The following KLHL29 variants were observed in gnomAD, a reference collection of about 807,000 sequenced individuals.
KLHL29 encodes kelch like family member 29, also known as kelch-like protein 29.
KLHL29 carries 21 observed loss-of-function variants against 80.4 expected under a neutral mutation model. The observed-to-expected ratio is 0.26, with a 90% CI of 0.19 to 0.38. The LOEUF (loss-of-function observed/expected upper bound fraction) is 0.38, where lower values mean the gene tolerates loss of function less well. Ranked by LOEUF, KLHL29 falls within the 10% of genes least tolerant of loss-of-function variation. KLHL29 has a pLI of 1.00. For synonymous variants in KLHL29, 511 were observed against 526.8 expected (o/e 0.97, Z 0.41); for missense variants, 867 against 1,223.9 (o/e 0.71, Z 4.35).
chr2:23,546,887 G>A (rs1666992528), intron 2 of KLHL29, among the ~76,000 whole-genome samples: 1 of 152,174 alleles, frequency 6.6e-6, no homozygotes, highest in Non-Finnish European at 1.5e-5. Flanking sequence ...GTGGCAGTAG[G>A]ACCAGAGTTG....
intron 3 of KLHL29, among the ~76,000 whole-genome samples, chr2:23,571,417 T>C (rs928019986): frequency 6.6e-6 from 1 of 152,196 alleles, no homozygotes; most frequent in Non-Finnish European, 1.5e-5. Flanking sequence ...TCCTTCTCCC[T>C]TCCCAGCAGA....
At chr2:23,586,143 T>A (rs1429460753) in intron 3 of KLHL29, among the ~76,000 whole-genome samples, 1 of 151,918 alleles carries the variant, frequency 6.6e-6, no homozygotes. Flanking sequence ...TTAAATGGAG[T>A]GTGACCTCAG....
intron 2 of KLHL29, among the ~76,000 whole-genome samples, chr2:23,496,896 A>G (rs909044885): frequency 6.6e-6 from 1 of 152,208 alleles, no homozygotes; most frequent in African/African-American, 2.4e-5. Flanking sequence ...GGCATATGGG[A>G]CATTTGCCCT....
At chr2:23,509,524 G>T (rs554127102) in intron 2 of KLHL29, among the ~76,000 whole-genome samples, 1 of 152,016 alleles carries the variant, frequency 6.6e-6, no homozygotes, top group Non-Finnish European at 1.5e-5. Flanking sequence ...AGTCAATAAG[G>T]GGGAGAAGAA....
chr2:23,527,772 C>T (rs186786293), intron 2 of KLHL29, among the ~76,000 whole-genome samples: 4 of 152,346 alleles, frequency 2.6e-5, no homozygotes, highest in South Asian at 2.1e-4. Context: ...CACCCCAAGC[C>T]TCCATAGGAG....
intron 2 of KLHL29, among the ~76,000 whole-genome samples, chr2:23,520,992 A>ACCCCC (rs33915683): frequency 1.7e-3 from 154 of 91,200 alleles, no homozygotes; most frequent in African/African-American, 4.7e-3. Context: ...TACAAAGACC[A>ACCCCC]CCCCCCCCCC....
chr2:23,488,570 A>G (rs1307047322), intron 2 of KLHL29, among the ~76,000 whole-genome samples: 1 of 152,238 alleles, frequency 6.6e-6, no homozygotes, highest in African/African-American at 2.4e-5. Context: ...CGAGCCAGAG[A>G]AAAGCAGAAA....
chr2:23,634,123 C>T (rs1035153861), intron 3 of KLHL29, among the ~76,000 whole-genome samples: 3 of 152,124 alleles, frequency 2.0e-5, no homozygotes, highest in Admixed American at 2.0e-4. Context: ...AGCACAGATG[C>T]CTGGTACACG....
Position 23,639,249 on chromosome 2 carries a change from C to T in KLHL29, c.396C>T (p.Pro132=). Residue 132 remains proline, a synonymous_variant, in exon 4 of 14, where the codon CCC becomes CCT. Coordinates refer to ENST00000486442, the MANE Select transcript of KLHL29 (RefSeq NM_052920.2). ...CACCCTGGGACACTGATGAGCCACCCTCCAAACAGATGAGAGAGAGTGACA... is the reference window on the plus strand; with the variant it reads ...CACCCTGGGACACTGATGAGCCACCTTCCAAACAGATGAGAGAGAGTGACA... ...QSTPWDTDEP[P]SKQMRESDNP... 1 of 1,548,704 alleles carries T rather than the reference C, an allele frequency of 6.5e-7. No homozygotes were observed.
intron 5 of KLHL29, among the ~76,000 whole-genome samples, chr2:23,673,739 G>C (rs201260506): frequency 6.7e-6 from 1 of 148,174 alleles, no homozygotes; most frequent in African/African-American, 2.5e-5. Flanking sequence ...ACATACACAG[G>C]GGTGCATGCA....
At chr2:23,461,683 C>A (rs1273809895) in intron 1 of KLHL29, among the ~76,000 whole-genome samples, 1 of 151,474 alleles carries the variant, frequency 6.6e-6, no homozygotes, top group Non-Finnish European at 1.5e-5. Context: ...TCAGCTACTT[C>A]ACCCCACTAT....
chr2:23,596,492 A>G lies in KLHL29; in HGVS notation c.285+34011A>G, dbSNP rs929991804. ...GTCACTAGGAGGCTCGCTGTGATTT[A>G]TCAGGGGCCATGCCACACTGTCCTT... On this transcript the variant is annotated intron_variant, in intron 3 of 13. Coordinates refer to ENST00000486442, the MANE Select transcript of KLHL29 (RefSeq NM_052920.2). The surrounding 1 kb of genome is among the most constrained non-coding windows in gnomAD (Gnocchi z 4.4). 6.6e-6 allele frequency among the ~76,000 whole-genome samples: 1 copy of G among 152,174 alleles called. No homozygotes were observed. The highest frequency in any genetic ancestry group is 2.4e-5 in the African/African-American group (1 of 41,442).
chr2:23,526,291 G>T (rs879881322), intron 2 of KLHL29, among the ~76,000 whole-genome samples: 1 of 152,118 alleles, frequency 6.6e-6, no homozygotes, highest in Non-Finnish European at 1.5e-5. Flanking sequence ...CGTCACAGGG[G>T]AGGGGAAACC....
chr2:23,451,027 G>A (rs1663864019), intron 1 of KLHL29, among the ~76,000 whole-genome samples: 1 of 152,096 alleles, frequency 6.6e-6, no homozygotes, highest in Non-Finnish European at 1.5e-5. Flanking sequence ...GGATATCAAT[G>A]GAATTATACA....
intron 3 of KLHL29, among the ~76,000 whole-genome samples, chr2:23,590,966 A>G (rs62125441): frequency 0.017 from 2,525 of 152,310 alleles, 32 homozygotes; most frequent in Non-Finnish European, 0.024. Flanking sequence ...GTGAAAGCCG[A>G]TGACAAAATA....
chr2:23,644,411 A>G (rs2149160017), intron 5 of KLHL29: 1 of 152,352 alleles, frequency 6.6e-6, no homozygotes, highest in Admixed American at 6.5e-5. Flanking sequence ...CTGTCCCCAC[A>G]TAGCCCCTCT....
intron 2 of KLHL29, among the ~76,000 whole-genome samples, chr2:23,555,112 G>C (rs932056676): frequency 7.2e-6 from 1 of 138,594 alleles, no homozygotes; most frequent in Non-Finnish European, 1.5e-5. Context: ...TATTTATGGA[G>C]GATGACCTCC....
At chr2:23,391,634 C>T (rs1666324718) in intron 1 of KLHL29, among the ~76,000 whole-genome samples, 1 of 152,122 alleles carries the variant, frequency 6.6e-6, no homozygotes, top group Non-Finnish European at 1.5e-5. Flanking sequence ...GGGGTTTCTC[C>T]ATGTTGGTCA....
intron 5 of KLHL29, among the ~76,000 whole-genome samples, chr2:23,648,429 A>T (rs931307815): frequency 6.6e-6 from 1 of 152,102 alleles, no homozygotes; most frequent in African/African-American, 2.4e-5. Flanking sequence ...CAGGTTAATG[A>T]GTCCCAGGAG....
Sources: gnomAD v4.1 joint callset for allele counts (sites outside exome capture counted in the v4.1 genomes callset) on GRCh38, gnomAD v4.1.1 for gene constraint, Gnocchi (gnomAD v3.1) non-coding constraint, MANE v1.5 for transcripts, NCBI Gene and HGNC (gene_info 2026-07-23, HGNC 2026-07-21) for gene names.